The following RTKN2 variants were observed in gnomAD, a reference collection of about 807,000 sequenced individuals.
The protein encoded by RTKN2 is rhotekin-2.
A neutral mutation model predicts 71.5 loss-of-function variants in RTKN2; 69 were observed. The ratio of observed to expected loss-of-function variants is 0.96; its 90% CI spans 0.79 to 1.18. The LOEUF (loss-of-function observed/expected upper bound fraction) is 1.18, where lower values mean the gene tolerates loss of function less well. Ranked by LOEUF, RTKN2 falls within the 50% of genes most tolerant of loss-of-function variation. The pLI, the probability that RTKN2 is intolerant of heterozygous loss-of-function variation, is 0.00. For missense variants in RTKN2, 724 were observed against 719.7 expected (o/e 1.01, Z -0.07); for synonymous variants, 236 against 236.5 (o/e 1.00, Z 0.02).
In RTKN2 at chr10:62,223,266, C is replaced by A. The variant is rs763640581; in HGVS notation, c.753G>T (p.Lys251Asn). The A allele has an allele frequency of 6.2e-7, 1 of 1,608,610 alleles. No homozygotes were observed. Among genetic ancestry groups the A allele is most frequent in the Admixed American group, 1.7e-5 (1 of 60,004 alleles). Reference sequence around the variant, plus strand: ...TTCCATTAATAGACAGATTATGGGTCTTGAAACTATCCTCAGCACTTTCCA... The same window carrying A: ...TTCCATTAATAGACAGATTATGGGTATTGAAACTATCCTCAGCACTTTCCA... ...LTLESAEDSF[K>N]THNLSINGNE... Residue 251 changes from lysine to asparagine, a missense_variant, in exon 7 of 12, where the codon AAG becomes AAT. Lys to Asn is a moderately conservative substitution (Grantham distance 94). Transcript: ENST00000373789.
chr10:62,227,058 A>C (rs1419747612), intron 6 of RTKN2, among the ~76,000 whole-genome samples: 1 of 152,236 alleles, frequency 6.6e-6, no homozygotes, highest in African/African-American at 2.4e-5. Context: ...TTTAGGGCAG[A>C]ATATGTTATT....
At chr10:62,240,413 G>C (rs1842351137) in intron 4 of RTKN2, among the ~76,000 whole-genome samples, 1 of 152,050 alleles carries the variant, frequency 6.6e-6, no homozygotes, top group African/African-American at 2.4e-5. Flanking sequence ...ACTCTCTTTA[G>C]TAATCAGAAA....
chr10:62,207,175 T>C (rs1421808330), intron 9 of RTKN2, among the ~76,000 whole-genome samples: 1 of 152,100 alleles, frequency 6.6e-6, no homozygotes, highest in Admixed American at 6.5e-5. Flanking sequence ...TGAATTTGGA[T>C]ATTTTTACCA....
chr10:62,226,832 A>C (rs1242960248), intron 6 of RTKN2, among the ~76,000 whole-genome samples: 3 of 152,242 alleles, frequency 2.0e-5, no homozygotes, highest in African/African-American at 4.8e-5. Flanking sequence ...ATGGTGGCTC[A>C]CGCCTATAAT....
Position 62,196,655 on chromosome 10 carries a change from C to G in RTKN2, c.*1253G>C. 1.0e-6 allele frequency: 1 copy of G among 984,716 alleles called. No individual in the cohort carries two copies. The highest frequency in any genetic ancestry group is 4.7e-5 in the South Asian group (1 of 21,254). The allele number at this position is 984,716 out of a possible 1,614,324, so 61.0% of individuals were successfully genotyped here. A position where few individuals can be genotyped will look rare whatever the true frequency, so the allele number is the denominator to read the frequency against. ...TTATACACAGGGCAGCAATTTAATT[C>G]TTAAATTTTTATTTCTTGCAATGAC... On this transcript the variant is annotated 3_prime_UTR_variant, in exon 12 of 12. Transcript: ENST00000373789.
chr10:62,189,991 T>G (rs1200168355), downstream of RTKN2, among the ~76,000 whole-genome samples: 2 of 152,186 alleles, frequency 1.3e-5, no homozygotes, highest in African/African-American at 2.4e-5. Context: ...TGTCTCTGGA[T>G]AGAATTTATC....
chr10:62,212,320 G>C (rs1033141047), intron 9 of RTKN2, among the ~76,000 whole-genome samples: 2 of 151,594 alleles, frequency 1.3e-5, no homozygotes, highest in Non-Finnish European at 2.9e-5. Flanking sequence ...AGTGAGCCAA[G>C]ATGGCACCAC....
downstream of RTKN2, chr10:62,193,055 T>A (rs1841249385): frequency 4.3e-6 from 1 of 231,152 alleles, no homozygotes; most frequent in Non-Finnish European, 7.1e-6. Flanking sequence ...TTCTCCCTGT[T>A]AATATAAAAT....
chr10:62,187,811 A>T (rs555455313), intron 8 of RTKN2, among the ~76,000 whole-genome samples: 1 of 152,230 alleles, frequency 6.6e-6, no homozygotes, highest in South Asian at 2.1e-4. Flanking sequence ...GCTCCCCAAT[A>T]CTATCTGTAG....
chr10:62,263,656 C>T (rs1842817781), intron 1 of RTKN2, among the ~76,000 whole-genome samples: 1 of 152,082 alleles, frequency 6.6e-6, no homozygotes, highest in Non-Finnish European at 1.5e-5. Context: ...GGTTTAGTAG[C>T]AGGGAGGAAA....
Position 62,194,094 on chromosome 10 carries a change from T to C in RTKN2, c.*3814A>G. On this transcript the variant is annotated 3_prime_UTR_variant, in exon 12 of 12. Transcript: ENST00000373789. ...TGGTACTTTAAAAAATGTATGTCCA[T>C]GATATAATACTTTTTAATCCAAAAG... 1 of 981,278 alleles carries C rather than the reference T, an allele frequency of 1.0e-6. No individual in the cohort carries two copies. The highest frequency in any genetic ancestry group is 4.7e-5 in the South Asian group (1 of 21,204). The allele number at this position is 981,278 out of a possible 1,614,324, so 60.8% of individuals were successfully genotyped here.
intron 9 of RTKN2, among the ~76,000 whole-genome samples, chr10:62,210,440 A>T (rs911510601): frequency 1.3e-5 from 2 of 152,186 alleles, no homozygotes; most frequent in South Asian, 2.1e-4. Flanking sequence ...TTCCAAAGAA[A>T]ATAATTAAAA....
intron 8 of RTKN2, chr10:62,184,453 C>A: frequency 2.5e-6 from 2 of 804,484 alleles, no homozygotes; most frequent in South Asian, 3.6e-5. Context: ...AAAGTCACCA[C>A]CAATCAGAAT....
chr10:62,201,869 T>C (rs1051220751), intron 10 of RTKN2, among the ~76,000 whole-genome samples: 19 of 152,274 alleles, frequency 1.2e-4, no homozygotes, highest in African/African-American at 4.1e-4. Context: ...CTATACATGA[T>C]AGCCAATATG....
chr10:62,258,820 T>C lies in RTKN2; in HGVS notation c.257+3805A>G, dbSNP rs762900956. 5.3e-5 allele frequency among the ~76,000 whole-genome samples: 8 copies of C among 152,226 alleles called. No individual in the cohort carries two copies. In the East Asian group the frequency reaches 9.7e-4, roughly 18 times the overall value. On this transcript the variant is annotated intron_variant, in intron 2 of 11. Transcript: ENST00000373789. ...CCCTGTAATAGCTCACCATGGCAGC[T>C]TGGAGCAATAGTTAAAAAAAAGCAC...
chr10:62,213,711 T>C (rs1841708012), intron 9 of RTKN2, among the ~76,000 whole-genome samples: 1 of 152,054 alleles, frequency 6.6e-6, no homozygotes, highest in South Asian at 2.1e-4. Flanking sequence ...AAATGGGTCA[T>C]CAAAAAATAT....
chr10:62,251,244 C>A (rs1480649849), intron 2 of RTKN2, among the ~76,000 whole-genome samples: 1 of 152,200 alleles, frequency 6.6e-6, no homozygotes, highest in Admixed American at 6.5e-5. Flanking sequence ...AGAGGGAACA[C>A]ATTTGCATAG....
At chr10:62,238,673 G>A (rs1842308479) in intron 5 of RTKN2, 1 of 151,940 alleles carries the variant, frequency 6.6e-6, no homozygotes, top group Non-Finnish European at 1.5e-5. Context: ...AAGAAGGCCT[G>A]AATTACTACT....
At chr10:62,238,298 A>G (rs1212936916) in intron 5 of RTKN2, 1 of 151,974 alleles carries the variant, frequency 6.6e-6, no homozygotes, top group Non-Finnish European at 1.5e-5. Flanking sequence ...CAAAAAGCAC[A>G]TTTTTCAACA....
Sources: gnomAD v4.1 joint callset for allele counts (sites outside exome capture counted in the v4.1 genomes callset) on GRCh38, gnomAD v4.1.1 for gene constraint, MANE v1.5 for transcripts, NCBI Gene and HGNC (gene_info 2026-07-23, HGNC 2026-07-21) for gene names.